DPYSL5: variants seen among roughly 807,000 people sequenced by gnomAD.
DPYSL5 encodes the protein dihydropyrimidinase like 5.
Under a neutral mutation model 58.4 loss-of-function variants are expected in DPYSL5, and 9 were observed. That is an observed-to-expected ratio of 0.15 (90% CI 0.09 to 0.27). The LOEUF is 0.27. DPYSL5 is among the 10% of genes least tolerant of loss of function. The pLI, the probability that DPYSL5 is intolerant of heterozygous loss-of-function variation, is 1.00. For synonymous variants in DPYSL5, 293 were observed against 301.9 expected (o/e 0.97, Z 0.31); for missense variants, 499 against 770.6 (o/e 0.65, Z 4.17).
chr2:26,900,468 A>G (rs1407284846), intron 2 of DPYSL5, among the ~76,000 whole-genome samples: 1 of 152,172 alleles, frequency 6.6e-6, no homozygotes, highest in African/African-American at 2.4e-5. Flanking sequence ...CCACATAGCA[A>G]TTATCTCTCT....
At chr2:26,883,909 G>A (rs1386221688) in intron 1 of DPYSL5, among the ~76,000 whole-genome samples, 1 of 152,150 alleles carries the variant, frequency 6.6e-6, no homozygotes, top group Admixed American at 6.5e-5. Flanking sequence ...CTTTCCTCCT[G>A]TTTTCCCCAG....
At chr2:26,940,306 A>G in intron 9 of DPYSL5, 134 bp downstream of exon 9, 6 of 1,117,454 alleles carry the variant, frequency 5.4e-6, no homozygotes, top group Non-Finnish European at 7.1e-6. Flanking sequence ...GTTCAATCCC[A>G]GCTGTTTGTT....
At chr2:26,907,892 G>C (rs756780627) in intron 2 of DPYSL5, among the ~76,000 whole-genome samples, 18 of 152,186 alleles carry the variant, frequency 1.2e-4, no homozygotes, top group Admixed American at 2.6e-4. Flanking sequence ...TAGCCACAGA[G>C]CCCGCGTAGC....
intron 1 of DPYSL5, among the ~76,000 whole-genome samples, chr2:26,879,915 G>A (rs1477231198): frequency 6.6e-6 from 1 of 152,096 alleles, no homozygotes; most frequent in Non-Finnish European, 1.5e-5. Context: ...TGTTGAGACA[G>A]GGTCTCACTC....
chr2:26,892,342 G>A (rs1420847959), intron 1 of DPYSL5, among the ~76,000 whole-genome samples: 1 of 152,158 alleles, frequency 6.6e-6, no homozygotes, highest in East Asian at 1.9e-4. Context: ...CTTGGCTTTC[G>A]ATTCTAGCAT....
chr2:26,854,572 A>T (rs144752018), intron 1 of DPYSL5, among the ~76,000 whole-genome samples: 1 of 152,350 alleles, frequency 6.6e-6, no homozygotes, highest in African/African-American at 2.4e-5. Context: ...TGAGATTCAC[A>T]GTTAACTAAA....
At chr2:26,909,424 A>T (rs1350705563) in intron 2 of DPYSL5, among the ~76,000 whole-genome samples, 3 of 152,190 alleles carry the variant, frequency 2.0e-5, no homozygotes, top group Non-Finnish European at 2.9e-5. Flanking sequence ...TCCTGTTTAG[A>T]CTTAAACGAT....
At chr2:26,936,207 G>T (rs1317883049) in intron 8 of DPYSL5, among the ~76,000 whole-genome samples, 2 of 152,198 alleles carry the variant, frequency 1.3e-5, no homozygotes, top group African/African-American at 4.8e-5. Context: ...GTCTCCCTCC[G>T]AGGGTCCCGC....
Position 26,934,937 on chromosome 2 carries a change from A to AAGTATAAGAGTGAAGAGCACATAT in DPYSL5, c.947+206_947+229dup, listed in dbSNP as rs529362810. ...GCTTGATATGGAGTGAGATCTTCTGAAGTATAAGAGTGAAGAGCACATATA... is the reference window on the plus strand; with the variant it reads ...GCTTGATATGGAGTGAGATCTTCTGAAGTATAAGAGTGAAGAGCACATATAGTATAAGAGTGAAGAGCACATATA... On this transcript the variant is annotated intron_variant, in intron 8 of 12. Transcript: ENST00000288699. This position sits in a 1 kb window ranked among gnomAD's most constrained non-coding sequence, Gnocchi z 4.3. 1.7e-3 allele frequency among the ~76,000 whole-genome samples: 257 copies of AAGTATAAGAGTGAAGAGCACATAT among 152,282 alleles called. No homozygotes were observed. The highest frequency in any genetic ancestry group is 2.7e-3 in the Non-Finnish European group (187 of 68,022).
chr2:26,901,891 T>C (rs1037878282), intron 2 of DPYSL5, among the ~76,000 whole-genome samples: 2 of 151,700 alleles, frequency 1.3e-5, no homozygotes, highest in African/African-American at 4.8e-5. Context: ...TCCATTGTAC[T>C]TGACCTCCAG....
At chr2:26,876,083 T>C (rs1264950945) in intron 1 of DPYSL5, among the ~76,000 whole-genome samples, 2 of 152,224 alleles carry the variant, frequency 1.3e-5, no homozygotes, top group Non-Finnish European at 2.9e-5. Context: ...GACTCAACCA[T>C]CAGGAAAAGC....
intron 1 of DPYSL5, among the ~76,000 whole-genome samples, chr2:26,858,497 G>C (rs950677535): frequency 6.6e-6 from 1 of 151,604 alleles, no homozygotes; most frequent in South Asian, 2.1e-4. Context: ...TTAAAACCTC[G>C]ACTTACTGCT....
At chr2:26,868,514 T>C (rs565898588) in intron 1 of DPYSL5, among the ~76,000 whole-genome samples, 53 of 152,324 alleles carry the variant, frequency 3.5e-4, no homozygotes, top group African/African-American at 1.2e-3. Context: ...TTTTGATATA[T>C]GCTGTAAGGT....
chr2:26,867,391 A>G (rs1666169456), intron 1 of DPYSL5, among the ~76,000 whole-genome samples: 1 of 151,528 alleles, frequency 6.6e-6, no homozygotes, highest in Non-Finnish European at 1.5e-5. Context: ...TAATGCTACA[A>G]TTTAGTCTGC....
intron 1 of DPYSL5, among the ~76,000 whole-genome samples, chr2:26,864,311 A>C (rs1666089612): frequency 6.6e-6 from 1 of 152,218 alleles, no homozygotes; most frequent in African/African-American, 2.4e-5. Context: ...GGAAGAAAGA[A>C]GTGCCTTACT....
intron 6 of DPYSL5, among the ~76,000 whole-genome samples, chr2:26,932,167 G>T (rs1373428443): frequency 1.5e-5 from 1 of 64,934 alleles, no homozygotes; most frequent in Non-Finnish European, 3.3e-5. Flanking sequence ...AAGAAAGAAA[G>T]AAAGAAAGAA....
rs374729111 is a variant in DPYSL5, at chr2:26,942,880, G to C, written c.1440+130G>C. The stretch of plus-strand genomic sequence containing the variant: ...CCAATTCCATTGCACTTTCTCCAGC[G>C]TTGAGAGGGGAGTGTGCGGCAGCGC... On this transcript the variant is annotated intron_variant, in intron 11 of 12. Coordinates refer to ENST00000288699, the MANE Select transcript of DPYSL5 (RefSeq NM_020134.4). The surrounding 1 kb of genome is among the most constrained non-coding windows in gnomAD (Gnocchi z 5.9). The C allele has an allele frequency of 1.9e-6, 2 of 1,045,064 alleles. No individual in the cohort carries two copies. Among genetic ancestry groups the C allele is most frequent in the Non-Finnish European group, 2.8e-6 (2 of 721,608 alleles). The allele number at this position is 1,045,064 out of a possible 1,614,324, so 64.7% of individuals were successfully genotyped here.
chr2:26,915,825 G>T (rs1377371841), intron 2 of DPYSL5, among the ~76,000 whole-genome samples: 1 of 151,998 alleles, frequency 6.6e-6, no homozygotes, highest in Non-Finnish European at 1.5e-5. Flanking sequence ...AGTCTCCTCT[G>T]ATCACCTCCA....
At position 26,928,255 on chromosome 2, in the gene DPYSL5, G is replaced by A. The variant is rs997359391; in HGVS notation, c.601G>A (p.Gly201Ser). 1.9e-6 allele frequency: 3 copies of A among 1,613,774 alleles called. No homozygotes were observed. Among genetic ancestry groups the A allele is most frequent in the Non-Finnish European group, 2.5e-6 (3 of 1,179,866 alleles). The change falls in exon 5 of 13, where the codon GGT becomes AGT. Residue 201 changes from glycine (G) to serine (S), a missense_variant and splice_region_variant. Transcript: ENST00000288699. Reference sequence around the variant, plus strand: ...TTTTCTTTCTCTTGCTGTTATCCAGGGTGCTAAGGAGGCACTGGATTTGGG... The same window carrying A: ...TTTTCTTTCTCTTGCTGTTATCCAGAGTGCTAAGGAGGCACTGGATTTGGG... ...HAENGELVAE[G>S]AKEALDLGIT...
Sources: gnomAD v4.1 joint callset for allele counts (sites outside exome capture counted in the v4.1 genomes callset) on GRCh38, gnomAD v4.1.1 for gene constraint, Gnocchi (gnomAD v3.1) non-coding constraint, MANE v1.5 for transcripts, NCBI Gene and HGNC (gene_info 2026-07-23, HGNC 2026-07-21) for gene names.